Variants in INSIG1 observed in about 807,000 individuals in gnomAD.
INSIG1 encodes the protein insulin induced gene 1.
A neutral mutation model predicts 26.5 loss-of-function variants in INSIG1; 14 were observed. The observed-to-expected ratio is 0.53, with a 90% confidence interval of 0.35 to 0.83. The LOEUF is 0.83. Among genes scored for constraint, INSIG1 ranks in the 40% least tolerant of loss-of-function variants. The pLI is 0.01. For missense variants in INSIG1, 272 were observed against 368.9 expected, an observed-to-expected ratio of 0.74 and a Z score of 2.15; for synonymous variants, 147 against 153.3, an observed-to-expected ratio of 0.96 and a Z score of 0.30.
chr7:155,301,544 A>G lies in INSIG1; in HGVS notation c.413-22A>G, dbSNP rs73485856. The G allele has an allele frequency of 7.2e-4, 1,156 of 1,598,234 alleles. 4 individuals carry two copies. The African/African-American group carries it at 0.013, about 18-fold the overall frequency. ...GAACTTGAATCTGCTGTATTCTAAC[A>G]TTGTCAACTTTTTTAAAACAGCTGT... On this transcript the variant is annotated intron_variant, in intron 2 of 5. Transcript: ENST00000340368.
At chr7:155,307,120 G>A (rs1046255213) in intron 5 of INSIG1, among the ~76,000 whole-genome samples, 1 of 152,202 alleles carries the variant, frequency 6.6e-6, no homozygotes, top group Non-Finnish European at 1.5e-5. Flanking sequence ...TCTCACCGCA[G>A]TTTGTATAGA....
chr7:155,309,687 T>C lies in INSIG1; in HGVS notation c.*1417T>C, dbSNP rs1034913518. ...CTGGTCTTTGTGTTTGGTTTTGTGA[T>C]GTAACGATCTTTGCTGGGGTTTTTT... is the stretch of plus-strand genomic sequence containing the variant. On this transcript the variant is annotated 3_prime_UTR_variant, in exon 6 of 6. Coordinates refer to ENST00000340368, the MANE Select transcript of INSIG1 (RefSeq NM_005542.6). 2.6e-5 allele frequency: 4 copies of C among 152,208 alleles called. No homozygotes were observed. The highest frequency in any genetic ancestry group is 1.3e-4 in the Admixed American group (2 of 15,290). The allele number at this position is 152,208 out of a possible 1,614,324, so 9.4% of individuals were successfully genotyped here.
intron 5 of INSIG1, among the ~76,000 whole-genome samples, chr7:155,305,500 C>T (rs1317136322): frequency 6.6e-6 from 1 of 152,142 alleles, no homozygotes; most frequent in Non-Finnish European, 1.5e-5. Context: ...ACTGTTGACT[C>T]ACAAAATGGA....
intron 1 of INSIG1, 24 bp downstream of exon 1, chr7:155,297,983 G>T: frequency 7.5e-6 from 2 of 268,340 alleles, no homozygotes; most frequent in East Asian, 6.4e-5. Flanking sequence ...TGGGATAGGG[G>T]TCGCGGGCGG....
chr7:155,308,514 G>C lies in INSIG1; in HGVS notation c.*244G>C. 1.9e-6 allele frequency: 1 copy of C among 531,720 alleles called. No homozygotes were observed. Among genetic ancestry groups the C allele is most frequent in the South Asian group, 2.7e-5 (1 of 36,402 alleles). 32.9% of individuals were successfully genotyped at this position (531,720 alleles called of 1,614,324 possible). A position where few individuals can be genotyped will look rare whatever the true frequency, so the allele number is the denominator to read the frequency against. ...TCTGTGCCCTGGAGCATTCTGCCCA[G>C]GCTACGTGGGTTCAGGCAGGTGGCA... On this transcript the variant is annotated 3_prime_UTR_variant, in exon 6 of 6. Transcript: ENST00000340368.
chr7:155,299,591 C>T (rs1225320366), intron 2 of INSIG1, among the ~76,000 whole-genome samples: 1 of 152,196 alleles, frequency 6.6e-6, no homozygotes. Context: ...AAGCCCCTAT[C>T]CTTAAGCAGC....
chr7:155,298,988 C>G (rs1288046057), intron 2 of INSIG1, among the ~76,000 whole-genome samples: 3 of 152,218 alleles, frequency 2.0e-5, no homozygotes, highest in African/African-American at 7.2e-5. Flanking sequence ...ACTGAGGGCC[C>G]TTCCCTCCTG....
At chr7:155,303,930 T>A in intron 5 of INSIG1, 1 of 1,148,842 alleles carries the variant, frequency 8.7e-7, no homozygotes, top group Non-Finnish European at 1.2e-6. Context: ...TTACTGACTC[T>A]CTGCTGCCAA....
chr7:155,307,024 AT>A (rs1276453472), intron 5 of INSIG1, among the ~76,000 whole-genome samples: 1 of 152,138 alleles, frequency 6.6e-6, no homozygotes, highest in East Asian at 1.9e-4. Flanking sequence ...CTTCCCATTT[AT>A]TTATCAGCAC....
intron 2 of INSIG1, 101 bp downstream of exon 2, chr7:155,298,798 C>T (rs1797706667): frequency 1.8e-6 from 2 of 1,132,652 alleles, no homozygotes; most frequent in Non-Finnish European, 1.2e-6. Flanking sequence ...CTGGAACTAT[C>T]CACAGATTGA....
At chr7:155,300,417 A>G (rs2150895038) in intron 2 of INSIG1, among the ~76,000 whole-genome samples, 1 of 151,400 alleles carries the variant, frequency 6.6e-6, no homozygotes, top group Non-Finnish European at 1.5e-5. Flanking sequence ...CTGATGAAGT[A>G]TAATAAATTG....
rs1190200810 is a variant in INSIG1 at position 155,302,750 on chromosome 7, T to C, written c.708T>C (p.Tyr236=). Residue 236 remains tyrosine (Y), a synonymous_variant, in exon 5 of 6, where the codon TAT becomes TAC. Coordinates refer to ENST00000340368, the MANE Select transcript of INSIG1 (RefSeq NM_005542.6). This position sits in a 1 kb window ranked among gnomAD's most constrained non-coding sequence, Gnocchi z 4.3. ...ACAGTTTCTTTTCTCGCTCCAGGTA[T>C]ACATCCCCAGATTTCCTCTATATTC... The part of the protein sequence containing the change: ...QFLVYNGVYQ[Y]TSPDFLYIRS... 8 of 1,602,864 alleles carry C rather than the reference T, an allele frequency of 5.0e-6. No individual in the cohort carries two copies. Among genetic ancestry groups the C allele is most frequent in the East Asian group, 2.2e-5 (1 of 44,800 alleles).
rs1798006421 is a variant in INSIG1 at position 155,308,755 on chromosome 7, C to G, written c.*485C>G. 6.3e-6 allele frequency: 1 copy of G among 157,874 alleles called. No individual in the cohort carries two copies. The highest frequency in any genetic ancestry group is 1.8e-4 in the South Asian group (1 of 5,428). The allele number at this position is 157,874 out of a possible 1,614,324, so 9.8% of individuals were successfully genotyped here. On this transcript the variant is annotated 3_prime_UTR_variant, in exon 6 of 6. Coordinates refer to ENST00000340368, the MANE Select transcript of INSIG1 (RefSeq NM_005542.6). ...GCTGTGTTTAAAAAAAAAAACAAAA[C>G]AAGAAAAGCAGCAGTGATTATAGAG...
Position 155,298,303 on chromosome 7 carries a change from C to G in INSIG1, c.18C>G (p.Asp6Glu), listed in dbSNP as rs746752379. The change falls in exon 2 of 6, where the codon GAC becomes GAG. Residue 6 changes from aspartate (D) to glutamate (E), a missense_variant. Asp to Glu is a conservative substitution (Grantham distance 45). Coordinates refer to ENST00000340368, the MANE Select transcript of INSIG1 (RefSeq NM_005542.6). Reference protein sequence around the residue: MPRLHDHFWSCSCAHS... With the variant: MPRLHEHFWSCSCAHS... ...TGTGACCGATGCCCAGATTGCACGA[C>G]CACTTCTGGAGCTGCTCCTGTGCGC... The G allele has an allele frequency of 1.3e-6, 2 of 1,489,864 alleles. No homozygotes were observed. Among genetic ancestry groups the G allele is most frequent in the South Asian group, 2.8e-5 (2 of 71,882 alleles). The allele number at this position is 1,489,864 out of a possible 1,614,324, so 92.3% of individuals were successfully genotyped here.
In INSIG1 at chr7:155,298,580, GC is replaced by G. The variant is rs1472947050; in HGVS notation, c.298del (p.Leu100TrpfsTer19). On this transcript the variant is annotated frameshift_variant, in exon 2 of 6. Transcript: ENST00000340368. LOFTEE classifies it high-confidence loss of function. ...LVLFSVGVVL[A>X]LVLNLLQIQR... The stretch of plus-strand genomic sequence containing the variant: ...GCTCTTCTCGGTTGGGGTGGTCCTA[GC>G]CCTGGTGCTCAACCTGCTGCAGATC... The G allele has an allele frequency of 6.2e-7, 1 of 1,612,252 alleles. No individual in the cohort carries two copies. The highest frequency in any genetic ancestry group is 1.7e-5 in the Admixed American group (1 of 59,802).
chr7:155,298,177 C>T (rs763318580), intron 1 of INSIG1, 82 bp from the exon 2 acceptor site: 17 of 1,215,748 alleles, frequency 1.4e-5, no homozygotes, highest in Non-Finnish European at 1.8e-5. Context: ...GCCGCCTGGC[C>T]CGGGTGCCGG....
chr7:155,305,207 T>C (rs10249137), intron 5 of INSIG1, among the ~76,000 whole-genome samples: 2,241 of 151,430 alleles, frequency 0.015, 49 homozygotes, highest in African/African-American at 0.052. Flanking sequence ...CCTGCTGGGC[T>C]ATCACATGAA....
At chr7:155,305,777 G>C (rs983937841) in intron 5 of INSIG1, among the ~76,000 whole-genome samples, 4 of 152,124 alleles carry the variant, frequency 2.6e-5, no homozygotes, top group African/African-American at 7.2e-5. Context: ...AGATGCCTTT[G>C]TTCTAACTTA....
At chr7:155,298,012 C>T in intron 1 of INSIG1, 53 bp downstream of exon 1, 1 of 326,634 alleles carries the variant, frequency 3.1e-6, no homozygotes, top group Non-Finnish European at 5.5e-6. Context: ...CGCGCAGCAG[C>T]CGGTCCTCCC....
Sources: gnomAD v4.1 joint callset for allele counts (sites outside exome capture counted in the v4.1 genomes callset) on GRCh38, gnomAD v4.1.1 for gene constraint, Gnocchi (gnomAD v3.1) non-coding constraint, MANE v1.5 for transcripts, NCBI Gene and HGNC (gene_info 2026-07-23, HGNC 2026-07-21) for gene names.